Variants in SLC5A1 observed in about 807,000 individuals in gnomAD.
The protein encoded by SLC5A1 is sodium/glucose cotransporter 1.
In SLC5A1, 42 loss-of-function variants were observed where a neutral mutation model predicts 73.5. The observed-to-expected ratio is 0.57, with a 90% CI of 0.45 to 0.74. SLC5A1 has a LOEUF of 0.74. SLC5A1 is among the 30% of genes least tolerant of loss of function. The pLI, the probability that SLC5A1 is intolerant of heterozygous loss-of-function variation, is 0.00. For missense variants in SLC5A1, 634 were observed against 855.4 expected (o/e 0.74, Z 3.23); for synonymous variants, 300 against 317.4 (o/e 0.95, Z 0.58).
At chr22:32,100,064 G>A (rs2094033730) in intron 12 of SLC5A1, among the ~76,000 whole-genome samples, 1 of 152,172 alleles carries the variant, frequency 6.6e-6, no homozygotes, top group Non-Finnish European at 1.5e-5. Context: ...GGGAAGACAT[G>A]GCATTCAAGT....
intron 5 of SLC5A1, among the ~76,000 whole-genome samples, chr22:32,075,555 A>C (rs1233431773): frequency 6.6e-6 from 1 of 152,200 alleles, no homozygotes; most frequent in Non-Finnish European, 1.5e-5. Flanking sequence ...TTTTGACATT[A>C]TATGCCCCCT....
At chr22:32,048,546 T>TCAGC (rs2093940125) in intron 1 of SLC5A1, among the ~76,000 whole-genome samples, 1 of 152,206 alleles carries the variant, frequency 6.6e-6, no homozygotes, top group Admixed American at 6.5e-5. Context: ...TTCAAATGCC[T>TCAGC]CAGCCAGGCT....
chr22:32,063,324 G>A (rs1266732872), intron 2 of SLC5A1, among the ~76,000 whole-genome samples: 1 of 152,136 alleles, frequency 6.6e-6, no homozygotes, highest in Non-Finnish European at 1.5e-5. Flanking sequence ...GGAGGGAAGG[G>A]ACACTGATTG....
At chr22:32,102,539 G>C (rs1334751318) in intron 13 of SLC5A1, among the ~76,000 whole-genome samples, 1 of 152,082 alleles carries the variant, frequency 6.6e-6, no homozygotes, top group Non-Finnish European at 1.5e-5. Flanking sequence ...AGGCCAAGGT[G>C]GGAGGATCAC....
In SLC5A1 at chr22:32,086,325, A is replaced by G. The variant is rs779179648; in HGVS notation, c.1127A>G (p.Asn376Ser). Reference sequence around the variant, plus strand: ...ACCTTAGTGGTGGAGCTCATGCCCAATGGTGAGATTCTTTCTTGGGAGGTT... The same window carrying G: ...ACCTTAGTGGTGGAGCTCATGCCCAGTGGTGAGATTCTTTCTTGGGAGGTT... Reference protein sequence around the residue: ...YPTLVVELMPNGLRGLMLSVM... With the variant: ...YPTLVVELMPSGLRGLMLSVM... The change falls in exon 10 of 15, where the codon AAT (asparagine) becomes AGT (serine). Residue 376 changes from asparagine (N) to serine (S), a missense_variant and splice_region_variant. Transcript: ENST00000266088. 1.2e-5 allele frequency: 20 copies of G among 1,603,406 alleles called. No homozygotes were observed. Among genetic ancestry groups the G allele is most frequent in the South Asian group, 1.1e-4 (10 of 90,878 alleles).
chr22:32,075,871 G>A (rs562418351), intron 5 of SLC5A1, among the ~76,000 whole-genome samples: 5 of 152,300 alleles, frequency 3.3e-5, no homozygotes, highest in East Asian at 1.9e-4. Flanking sequence ...GAATTACACC[G>A]ATATCAACTG....
At chr22:32,060,014 TACACACACACAC>T (rs58053068) in intron 2 of SLC5A1, among the ~76,000 whole-genome samples, 162 of 137,686 alleles carry the variant, frequency 1.2e-3, no homozygotes, top group East Asian at 0.011. Context: ...GCCATGGTTA[TACACACACACAC>T]ACACACACAC....
intron 10 of SLC5A1, among the ~76,000 whole-genome samples, chr22:32,089,296 C>T (rs571642060): frequency 5.9e-5 from 9 of 152,216 alleles, no homozygotes; most frequent in African/African-American, 1.9e-4. Flanking sequence ...AAAAAAACCT[C>T]GCAACAAATG....
At chr22:32,076,835 T>G (rs1251347429) in intron 5 of SLC5A1, among the ~76,000 whole-genome samples, 2 of 152,246 alleles carry the variant, frequency 1.3e-5, no homozygotes, top group Non-Finnish European at 2.9e-5. Context: ...TACTTGCAGA[T>G]GCTTTCCAAC....
chr22:32,083,204 C>A, intron 7 of SLC5A1, 50 bp downstream of exon 7: 2 of 1,508,644 alleles, frequency 1.3e-6, no homozygotes, highest in Non-Finnish European at 1.8e-6. Flanking sequence ...GGTAGAGGGC[C>A]TCAGGAAGAG....
chr22:32,067,874 G>T lies in SLC5A1; in HGVS notation c.313-93G>T, dbSNP rs529434561. 735 of 1,306,352 alleles carry T rather than the reference G, an allele frequency of 5.6e-4. 3 individuals carry two copies. The African/African-American group carries it at 7.4e-3, about 13-fold the overall frequency. The allele number at this position is 1,306,352 out of a possible 1,614,324, so 80.9% of individuals were successfully genotyped here. ...GGCTCCTTAGGGGAGAACATGCTGG[G>T]TAATTTTTCTGCAGCAGCTGAGGGG... On this transcript the variant is annotated intron_variant, in intron 3 of 14. Transcript: ENST00000266088.
At chr22:32,094,508 C>A (rs1389553356) in intron 11 of SLC5A1, among the ~76,000 whole-genome samples, 1 of 152,174 alleles carries the variant, frequency 6.6e-6, no homozygotes, top group Non-Finnish European at 1.5e-5. Context: ...ATTACCATTT[C>A]AACTTCGCTG....
At chr22:32,078,344 T>C (rs1255219706) in intron 5 of SLC5A1, among the ~76,000 whole-genome samples, 2 of 152,294 alleles carry the variant, frequency 1.3e-5, no homozygotes, top group East Asian at 3.9e-4. Context: ...CTCGGCTCAC[T>C]GCAACCTCTG....
intron 2 of SLC5A1, 76 bp downstream of exon 2, chr22:32,050,090 T>C: frequency 7.7e-7 from 1 of 1,303,382 alleles, no homozygotes; most frequent in Non-Finnish European, 1.1e-6. Context: ...TCTTCTTGGC[T>C]TTGGGTGGTG....
At position 32,110,117 on chromosome 22, in the gene SLC5A1, G is replaced by T. The variant is rs33943816; in HGVS notation, c.1899G>T (p.Thr633=). The change falls in exon 15 of 15, where the codon ACG becomes ACT. Residue 633 remains threonine, a synonymous_variant. Transcript: ENST00000266088. Reference sequence around the variant, plus strand: ...AGAAAGCCATGAAGATGAAGATGACGGACACCTCTGAGAAGCCTTTGTGGA... The same window carrying T: ...AGAAAGCCATGAAGATGAAGATGACTGACACCTCTGAGAAGCCTTTGTGGA... ...EEEKAMKMKM[T]DTSEKPLWRT... The T allele has an allele frequency of 1.2e-6, 2 of 1,614,070 alleles. No homozygotes were observed. The highest frequency in any genetic ancestry group is 1.7e-6 in the Non-Finnish European group (2 of 1,179,948).
rs761699772 is a variant in SLC5A1, at chr22:32,084,929, G to A, written c.915G>A (p.Lys305=). Residue 305 remains lysine (K), a synonymous_variant, in exon 9 of 15, where the codon AAG becomes AAA. Coordinates refer to ENST00000266088, the MANE Select transcript of SLC5A1 (RefSeq NM_000343.4). Reference sequence around the variant, plus strand: ...TTGTGCAGCGCTGCCTCTCAGCCAAGAATATGTCTCACGTGAAGGGTGGCT... The same window carrying A: ...TTGTGCAGCGCTGCCTCTCAGCCAAAAATATGTCTCACGTGAAGGGTGGCT... ...QVIVQRCLSA[K]NMSHVKGGCI... is the part of the protein sequence containing the mutation. 2 of 1,614,216 alleles carry A rather than the reference G, an allele frequency of 1.2e-6. No individual in the cohort carries two copies. The highest frequency in any genetic ancestry group is 1.7e-6 in the Non-Finnish European group (2 of 1,180,038).
intron 2 of SLC5A1, among the ~76,000 whole-genome samples, chr22:32,065,066 C>T (rs2093970491): frequency 6.6e-6 from 1 of 152,132 alleles, no homozygotes; most frequent in South Asian, 2.1e-4. Context: ...TCCTCAGCCT[C>T]CTAAGTAGGT....
At chr22:32,074,717 G>A (rs1569307255) in intron 5 of SLC5A1, among the ~76,000 whole-genome samples, 1 of 152,170 alleles carries the variant, frequency 6.6e-6, no homozygotes, top group African/African-American at 2.4e-5. Context: ...TGGAGGCCAT[G>A]ACCAACATTA....
intron 12 of SLC5A1, among the ~76,000 whole-genome samples, chr22:32,101,319 A>C (rs889390075): frequency 1.3e-5 from 2 of 152,110 alleles, no homozygotes. Context: ...GGAAAAAAGG[A>C]AGGAGGGAAG....
Sources: allele counts gnomAD v4.1 joint callset (sites outside exome capture counted in the v4.1 genomes callset), GRCh38; gene constraint gnomAD v4.1.1; transcripts MANE v1.5; gene names NCBI Gene and HGNC (gene_info 2026-07-23, HGNC 2026-07-21).